The following TMCO5A variants were observed in gnomAD, a reference collection of about 807,000 sequenced individuals.
TMCO5A encodes transmembrane and coiled-coil domain-containing protein 5A.
Under a neutral mutation model 42.3 loss-of-function variants are expected in TMCO5A, and 34 were observed. That is an observed-to-expected ratio of 0.80 (90% confidence interval 0.61 to 1.07). The LOEUF is 1.07. Ranked by LOEUF, TMCO5A falls within the 50% of genes least tolerant of loss-of-function variation. TMCO5A has a pLI of 0.00. For missense variants in TMCO5A, 357 were observed against 327.9 expected, an observed-to-expected ratio of 1.09 and a Z score of -0.69; for synonymous variants, 131 against 115.6, an observed-to-expected ratio of 1.13 and a Z score of -0.86.
the TMCO5A span, among the ~76,000 whole-genome samples, chr15:37,986,507 A>G: frequency 6.6e-6 from 1 of 151,784 alleles, no homozygotes; most frequent in African/African-American, 2.4e-5. Context: ...GTTCAGCAGC[A>G]TTAAGTACAT....
downstream of TMCO5A, among the ~76,000 whole-genome samples, chr15:37,971,244 T>C (rs955644529): frequency 6.6e-6 from 1 of 152,208 alleles, no homozygotes; most frequent in Non-Finnish European, 1.5e-5. Flanking sequence ...CTCAACACCA[T>C]GTGGAAGCTG....
chr15:38,014,934 T>C, the TMCO5A span, among the ~76,000 whole-genome samples: 1 of 133,052 alleles, frequency 7.5e-6, no homozygotes, highest in Non-Finnish European at 1.6e-5. Context: ...AATCATAAGG[T>C]CCCACAATAG....
At chr15:38,007,891 T>G in the TMCO5A span, among the ~76,000 whole-genome samples, 1 of 114,322 alleles carries the variant, frequency 8.7e-6, no homozygotes, top group African/African-American at 3.6e-5. Context: ...TTTTTTTTTT[T>G]TTTTTTTTTT....
chr15:38,020,037 G>T, the TMCO5A span, among the ~76,000 whole-genome samples: 1 of 151,542 alleles, frequency 6.6e-6, no homozygotes, highest in African/African-American at 2.4e-5. Flanking sequence ...CTGTCACCCA[G>T]TCTGGAGTGC....
intron 11 of TMCO5A, among the ~76,000 whole-genome samples, chr15:37,963,138 C>T (rs899804345): frequency 2.0e-5 from 3 of 151,860 alleles, no homozygotes; most frequent in African/African-American, 7.3e-5. Context: ...TGAGGTGTGA[C>T]CTTCGAATGT....
chr15:38,034,997 G>C, the TMCO5A span, among the ~76,000 whole-genome samples: 1 of 152,244 alleles, frequency 6.6e-6, no homozygotes, highest in South Asian at 2.1e-4. Context: ...ATTCTCCTAA[G>C]GGCAAGCTGC....
intron 11 of TMCO5A, among the ~76,000 whole-genome samples, chr15:37,950,764 C>T (rs1890127917): frequency 6.6e-6 from 1 of 152,050 alleles, no homozygotes; most frequent in Non-Finnish European, 1.5e-5. Context: ...CTTGCCAAAA[C>T]AAAACCAAAA....
At chr15:38,017,528 G>C in the TMCO5A span, among the ~76,000 whole-genome samples, 1 of 151,986 alleles carries the variant, frequency 6.6e-6, no homozygotes, top group Non-Finnish European at 1.5e-5. Context: ...GGAAGAAAAG[G>C]AAAAGGAAAA....
chr15:38,014,853 T>TTTTATACATATATA, the TMCO5A span, among the ~76,000 whole-genome samples: 1 of 54,664 alleles, frequency 1.8e-5, no homozygotes, highest in African/African-American at 7.7e-5. Context: ...AGGAGAAAGA[T>TTTTATACATATATA]TATATATATA....
the TMCO5A span, among the ~76,000 whole-genome samples, chr15:38,022,157 G>A: frequency 2.0e-5 from 3 of 151,996 alleles, no homozygotes; most frequent in Non-Finnish European, 4.4e-5. Context: ...TTCAGCAGTC[G>A]TATTTCTTAG....
the TMCO5A span, among the ~76,000 whole-genome samples, chr15:37,996,485 A>G: frequency 2.6e-5 from 4 of 152,244 alleles, no homozygotes; most frequent in African/African-American, 9.6e-5. Flanking sequence ...AAGTTTCACC[A>G]GCTGCCTCTT....
At chr15:37,967,732 C>T (rs780727993), downstream of TMCO5A, 24 of 152,102 alleles carry the variant, frequency 1.6e-4, no homozygotes, top group Non-Finnish European at 2.5e-4. Flanking sequence ...ATTAAAAAAA[C>T]TGGATATATT....
the TMCO5A span, among the ~76,000 whole-genome samples, chr15:37,975,129 T>C: frequency 6.6e-6 from 1 of 152,240 alleles, no homozygotes; most frequent in East Asian, 1.9e-4. Flanking sequence ...TTGGGTTTTT[T>C]AAATTTGCTA....
At chr15:38,020,296 T>A in the TMCO5A span, 7 of 152,226 alleles carry the variant, frequency 4.6e-5, no homozygotes, top group Non-Finnish European at 8.8e-5. Context: ...AGGATGTATT[T>A]TAAAAGGGAA....
the TMCO5A span, among the ~76,000 whole-genome samples, chr15:38,002,254 T>C: frequency 6.6e-6 from 1 of 152,032 alleles, no homozygotes; most frequent in Non-Finnish European, 1.5e-5. Flanking sequence ...TTTCTCTTGC[T>C]GCTTTCTTTA....
At chr15:38,000,547 T>C in the TMCO5A span, among the ~76,000 whole-genome samples, 2 of 152,116 alleles carry the variant, frequency 1.3e-5, no homozygotes, top group South Asian at 2.1e-4. Flanking sequence ...TCTGTTCTTA[T>C]ACTAATTTTG....
intron 5 of TMCO5A, 63 bp downstream of exon 5, chr15:37,937,459 G>T: frequency 1.3e-6 from 2 of 1,563,404 alleles, no homozygotes; most frequent in Non-Finnish European, 8.8e-7. Flanking sequence ...AAAGGGGCAA[G>T]GTTTGGGGGA....
intron 11 of TMCO5A, among the ~76,000 whole-genome samples, chr15:37,965,511 G>A (rs749023192): frequency 1.1e-4 from 17 of 152,026 alleles, no homozygotes; most frequent in Admixed American, 8.5e-4. Context: ...ACTACTCTTC[G>A]GACAAGGGAT....
At chr15:38,022,017 G>C in the TMCO5A span, among the ~76,000 whole-genome samples, 1 of 151,936 alleles carries the variant, frequency 6.6e-6, no homozygotes, top group South Asian at 2.1e-4. Context: ...TCACCATGTT[G>C]GCCAGGATGG....
Sources: allele counts gnomAD v4.1 joint callset (sites outside exome capture counted in the v4.1 genomes callset), GRCh38; gene constraint gnomAD v4.1.1; transcripts MANE v1.5; gene names NCBI Gene and HGNC (gene_info 2026-07-23, HGNC 2026-07-21).